ANKRD30A: variants seen among roughly 807,000 people sequenced by gnomAD.
The protein encoded by ANKRD30A is ankyrin repeat domain-containing protein 30A.
ANKRD30A carries 170 observed loss-of-function variants against 166.3 expected under a neutral mutation model. The observed-to-expected ratio is 1.02, with a 90% CI of 0.90 to 1.16. The LOEUF (loss-of-function observed/expected upper bound fraction) is 1.16. Ranked by LOEUF, ANKRD30A falls within the 50% of genes most tolerant of loss-of-function variation. ANKRD30A has a pLI of 0.00. For missense variants in ANKRD30A, 1,630 were observed against 1,518.0 expected (o/e 1.07, Z -1.23); for synonymous variants, 564 against 508.9 (o/e 1.11, Z -1.46).
chr10:37,244,657 C>G, the ANKRD30A span, among the ~76,000 whole-genome samples: 5 of 152,226 alleles, frequency 3.3e-5, no homozygotes, highest in East Asian at 9.6e-4. Flanking sequence ...TCACCCCATG[C>G]TTTCTCAGAT....
intron 27 of ANKRD30A, among the ~76,000 whole-genome samples, chr10:37,196,380 A>C (rs1841110846): frequency 6.6e-6 from 1 of 152,132 alleles, no homozygotes; most frequent in Non-Finnish European, 1.5e-5. Context: ...TAGCTATTGA[A>C]ATGAGATATA....
At chr10:37,137,732 C>T (rs1031287641) in intron 6 of ANKRD30A, among the ~76,000 whole-genome samples, 2 of 152,258 alleles carry the variant, frequency 1.3e-5, no homozygotes, top group African/African-American at 2.4e-5. Flanking sequence ...CTGGGAAGCT[C>T]GAACTGGGTG....
At chr10:37,224,748 A>T (rs1843066515) in intron 34 of ANKRD30A, among the ~76,000 whole-genome samples, 1 of 151,420 alleles carries the variant, frequency 6.6e-6, no homozygotes, top group Non-Finnish European at 1.5e-5. Context: ...GCTAGCAAAG[A>T]TCTTTAGATC....
At chr10:37,161,803 T>G (rs1326972895) in intron 15 of ANKRD30A, among the ~76,000 whole-genome samples, 1 of 152,188 alleles carries the variant, frequency 6.6e-6, no homozygotes, top group Non-Finnish European at 1.5e-5. Flanking sequence ...GTGTGTTGTT[T>G]TGGTAAAATT....
At chr10:37,208,120 AAGGAAGCAG>A (rs1192119175) in intron 31 of ANKRD30A, among the ~76,000 whole-genome samples, 5 of 152,222 alleles carry the variant, frequency 3.3e-5, no homozygotes, top group Admixed American at 2.6e-4. Context: ...GGGTTTTGAT[AAGGAAGCAG>A]AGCCATTCAT....
intron 15 of ANKRD30A, among the ~76,000 whole-genome samples, chr10:37,162,020 T>C (rs556027005): frequency 6.6e-6 from 1 of 152,202 alleles, no homozygotes; most frequent in East Asian, 1.9e-4. Flanking sequence ...ATTGAAAGCT[T>C]ATTATAGATT....
At chr10:37,211,006 A>G (rs1039222305) in intron 31 of ANKRD30A, among the ~76,000 whole-genome samples, 3 of 151,986 alleles carry the variant, frequency 2.0e-5, no homozygotes, top group African/African-American at 7.2e-5. Context: ...TTTTGTTGCC[A>G]TTGCTTTTAG....
intron 13 of ANKRD30A, among the ~76,000 whole-genome samples, chr10:37,157,117 G>T (rs553010876): frequency 6.6e-5 from 10 of 152,152 alleles, no homozygotes; most frequent in Non-Finnish European, 1.5e-4. Context: ...ATTATTTGAA[G>T]ACATGAGATC....
chr10:37,177,280 T>C (rs1449168387), intron 24 of ANKRD30A, among the ~76,000 whole-genome samples: 2 of 152,156 alleles, frequency 1.3e-5, no homozygotes, highest in African/African-American at 2.4e-5. Flanking sequence ...TACTGCTGTA[T>C]GTGTCCCGGC....
the ANKRD30A span, among the ~76,000 whole-genome samples, chr10:37,253,368 A>G: frequency 6.6e-6 from 1 of 152,238 alleles, no homozygotes. Flanking sequence ...CATACAATTT[A>G]TTTAAAGTGT....
At chr10:37,166,073 G>A (rs2490104) in intron 18 of ANKRD30A, among the ~76,000 whole-genome samples, 84,280 of 151,776 alleles carry the variant, frequency 0.56, 23,913 homozygotes, top group African/African-American at 0.61. Flanking sequence ...CTTATTTTAA[G>A]CCCCTGTTTA....
downstream of ANKRD30A, among the ~76,000 whole-genome samples, chr10:37,235,864 G>A (rs555698153): frequency 1.3e-5 from 2 of 149,552 alleles, no homozygotes; most frequent in East Asian, 2.0e-4. Context: ...CTGCCTCCCA[G>A]GTTCACGCCA....
intron 31 of ANKRD30A, 151 bp downstream of exon 31, chr10:37,201,476 C>T (rs1841623530): frequency 4.1e-6 from 2 of 485,268 alleles, no homozygotes; most frequent in South Asian, 7.7e-5. Flanking sequence ...TTATATGTCT[C>T]ATCAGGTGTT....
intron 6 of ANKRD30A, among the ~76,000 whole-genome samples, chr10:37,141,024 G>A (rs1336517462): frequency 1.3e-5 from 2 of 151,964 alleles, no homozygotes; most frequent in Admixed American, 6.6e-5. Context: ...TAATTGTTAG[G>A]TATCTTTAAG....
chr10:37,200,073 T>C (rs1356033506), intron 30 of ANKRD30A, among the ~76,000 whole-genome samples: 1 of 152,048 alleles, frequency 6.6e-6, no homozygotes, highest in Non-Finnish European at 1.5e-5. Flanking sequence ...AGTACGTTTG[T>C]CTAAAAGCAA....
chr10:37,263,373 T>G, the ANKRD30A span, among the ~76,000 whole-genome samples: 11 of 152,060 alleles, frequency 7.2e-5, no homozygotes, highest in Non-Finnish European at 4.4e-5. Context: ...TTCAAGAACA[T>G]TACGTTTATT....
At chr10:37,256,455 C>G in the ANKRD30A span, among the ~76,000 whole-genome samples, 1 of 152,162 alleles carries the variant, frequency 6.6e-6, no homozygotes, top group Non-Finnish European at 1.5e-5. Flanking sequence ...TTACACCCAT[C>G]ATTTTAGTGT....
At chr10:37,136,487 T>C in intron 5 of ANKRD30A, 120 bp from the exon 6 acceptor site, 1 of 499,086 alleles carries the variant, frequency 2.0e-6, no homozygotes, top group East Asian at 4.1e-5. Flanking sequence ...GAATAAGTAA[T>C]GTTCTGATGT....
At chr10:37,156,264 A>G (rs1362873653) in intron 13 of ANKRD30A, among the ~76,000 whole-genome samples, 22 of 152,158 alleles carry the variant, frequency 1.4e-4, no homozygotes, top group Non-Finnish European at 2.8e-4. Flanking sequence ...AAGTACGTAC[A>G]GCCATACATT....
Sources: allele counts gnomAD v4.1 joint callset (sites outside exome capture counted in the v4.1 genomes callset), GRCh38; gene constraint gnomAD v4.1.1; transcripts MANE v1.5; gene names NCBI Gene and HGNC (gene_info 2026-07-23, HGNC 2026-07-21).